The following CPEB3 variants were observed in gnomAD, a reference collection of about 807,000 sequenced individuals.
CPEB3 encodes cytoplasmic polyadenylation element-binding protein 3.
A neutral mutation model predicts 67.2 loss-of-function variants in CPEB3; 20 were observed. That is an observed-to-expected ratio of 0.30 (90% CI 0.21 to 0.43). CPEB3 has a LOEUF of 0.43. Ranked by LOEUF, CPEB3 falls within the 20% of genes least tolerant of loss-of-function variation. CPEB3 has a pLI of 1.00. For missense variants in CPEB3, 746 were observed against 968.6 expected, an observed-to-expected ratio of 0.77 and a Z score of 3.05; for synonymous variants, 376 against 393.1, an observed-to-expected ratio of 0.96 and a Z score of 0.51.
At chr10:92,067,187 C>T (rs1212055104) in intron 9 of CPEB3, among the ~76,000 whole-genome samples, 1 of 151,818 alleles carries the variant, frequency 6.6e-6, no homozygotes, top group Non-Finnish European at 1.5e-5. Context: ...GTTTAGAAAG[C>T]AGATGACAGA....
At chr10:92,244,112 CGAG>C (rs1851958972) in intron 1 of CPEB3, among the ~76,000 whole-genome samples, 1 of 151,846 alleles carries the variant, frequency 6.6e-6, no homozygotes, top group Admixed American at 6.6e-5. Flanking sequence ...TTTGGGAGGC[CGAG>C]GAGGGCAGAT....
intron 2 of CPEB3, among the ~76,000 whole-genome samples, chr10:92,227,224 AT>A (rs1851019579): frequency 6.6e-6 from 1 of 152,202 alleles, no homozygotes; most frequent in South Asian, 2.1e-4. Flanking sequence ...GTTAGGTAAT[AT>A]TCTCTGAGTC....
chr10:92,259,575 T>C (rs1302465763), intron 1 of CPEB3, among the ~76,000 whole-genome samples: 1 of 146,374 alleles, frequency 6.8e-6, no homozygotes, highest in Non-Finnish European at 1.5e-5. Context: ...CACTCCAGCC[T>C]GGGAAACAAG....
In CPEB3 at chr10:92,048,725, A is replaced by C. The variant is rs1452872317; in HGVS notation, c.*3487T>G. On this transcript the variant is annotated 3_prime_UTR_variant, in exon 10 of 10. Transcript: ENST00000265997. This position sits in a 1 kb window ranked among gnomAD's most constrained non-coding sequence, Gnocchi z 4.1. The stretch of plus-strand genomic sequence containing the variant: ...AACCAAGCATTTTCATCGTTGTCAC[A>C]CTATTGTAAACCACATCAGCAAGTT... The C allele has an allele frequency of 6.6e-6, 1 of 152,658 alleles. No homozygotes were observed. Among genetic ancestry groups the C allele is most frequent in the Non-Finnish European group, 1.5e-5 (1 of 68,036 alleles). The allele number at this position is 152,658 out of a possible 1,614,324, so 9.5% of individuals were successfully genotyped here.
intron 4 of CPEB3, among the ~76,000 whole-genome samples, chr10:92,150,025 A>G (rs151156310): frequency 6.2e-4 from 95 of 152,328 alleles, no homozygotes; most frequent in South Asian, 2.5e-3. Flanking sequence ...TAACCTAATC[A>G]TCCTTACTGT....
rs1564747230 is a variant in CPEB3 at position 92,061,441 on chromosome 10, A to AAC, written c.1870-9003_1870-9002insGT. Reference sequence around the variant, plus strand: ...TCTCAAAAAAAAAAAAAAAAAAAAAAAACATATGAATAGATAAAGCAAATG... The same window carrying AAC: ...TCTCAAAAAAAAAAAAAAAAAAAAAAACAACATATGAATAGATAAAGCAAATG... On this transcript the variant is annotated intron_variant, in intron 9 of 9. Transcript: ENST00000265997. Among the ~76,000 whole-genome samples the AAC allele has an allele frequency of 1.6e-4, 23 of 140,720 alleles. 1 individual carries two copies. Among genetic ancestry groups the AAC allele is most frequent in the Non-Finnish European group, 2.9e-4 (19 of 65,370 alleles). The allele number at this position is 140,720 out of a possible 152,430, so 92.3% of individuals were successfully genotyped here.
intron 4 of CPEB3, among the ~76,000 whole-genome samples, chr10:92,178,306 G>T (rs1024496991): frequency 5.9e-5 from 9 of 151,926 alleles, no homozygotes; most frequent in Non-Finnish European, 1.2e-4. Flanking sequence ...TCACAGGCAT[G>T]CGCCACCACA....
chr10:92,112,047 A>G (rs1844770169), intron 6 of CPEB3, among the ~76,000 whole-genome samples: 1 of 151,938 alleles, frequency 6.6e-6, no homozygotes, highest in African/African-American at 2.4e-5. Flanking sequence ...GTTTAATTCC[A>G]TAAGATTTAC....
At chr10:92,255,388 A>G (rs1463626436) in intron 1 of CPEB3, among the ~76,000 whole-genome samples, 2 of 152,202 alleles carry the variant, frequency 1.3e-5, no homozygotes, top group Non-Finnish European at 2.9e-5. Context: ...TGCTCTTGGT[A>G]CTGACATTAC....
chr10:92,114,360 A>C (rs1844898977), intron 6 of CPEB3, among the ~76,000 whole-genome samples: 1 of 152,228 alleles, frequency 6.6e-6, no homozygotes, highest in African/African-American at 2.4e-5. Context: ...GAAAAATTTA[A>C]AGTCAAAGTA....
intron 2 of CPEB3, among the ~76,000 whole-genome samples, chr10:92,219,356 T>C (rs987381765): frequency 6.6e-6 from 1 of 152,210 alleles, no homozygotes; most frequent in Non-Finnish European, 1.5e-5. Flanking sequence ...TCTTTCAGTG[T>C]CCTTTGATGT....
chr10:92,121,399 TAGAG>T lies in CPEB3; in HGVS notation c.1454-10209_1454-10206del, dbSNP rs1040872844. Among the ~76,000 whole-genome samples the T allele has an allele frequency of 9.1e-5, 12 of 132,016 alleles. No homozygotes were observed. In the South Asian group the frequency reaches 9.6e-4, roughly 11 times the overall value. 86.6% of individuals were successfully genotyped at this position (132,016 alleles called of 152,430 possible). ...TATATAATATATTATATATATATAA[TAGAG>T]AGACAGCGCGTGAGCGAGCATGCAC... On this transcript the variant is annotated intron_variant, in intron 6 of 9. Coordinates refer to ENST00000265997, the MANE Select transcript of CPEB3 (RefSeq NM_014912.5).
chr10:92,155,307 A>T (rs1847156594), intron 4 of CPEB3, among the ~76,000 whole-genome samples: 1 of 152,262 alleles, frequency 6.6e-6, no homozygotes, highest in African/African-American at 2.4e-5. Context: ...GAAGTAACAT[A>T]CATCAGCAAG....
chr10:92,127,077 G>A (rs1264453320), intron 6 of CPEB3, among the ~76,000 whole-genome samples: 1 of 151,922 alleles, frequency 6.6e-6, no homozygotes, highest in African/African-American at 2.4e-5. Context: ...TTGCAGTCTG[G>A]AAAAAAAGTC....
rs559125946 is a variant in CPEB3, at chr10:92,063,983, G to A, written c.1870-11544C>T. Among the ~76,000 whole-genome samples, 153 of 151,884 alleles carry A rather than the reference G, an allele frequency of 1.0e-3. 2 individuals carry two copies. In the South Asian group the frequency reaches 0.029, roughly 29 times the overall value. ...GCACACAGCCAAAGTGTAGTATTGG[G>A]TCAAAAAAAGAAAGAAAGAAAAAAA... On this transcript the variant is annotated intron_variant, in intron 9 of 9. Transcript: ENST00000265997.
At chr10:92,188,841 C>CT (rs1395123556) in intron 3 of CPEB3, among the ~76,000 whole-genome samples, 1 of 152,106 alleles carries the variant, frequency 6.6e-6, no homozygotes, top group African/African-American at 2.4e-5. Context: ...TTCAATTCAG[C>CT]TTTTATTCTA....
intron 4 of CPEB3, among the ~76,000 whole-genome samples, chr10:92,170,811 G>A (rs902092565): frequency 1.3e-5 from 2 of 152,132 alleles, no homozygotes; most frequent in African/African-American, 4.8e-5. Context: ...GTCTGAAATT[G>A]CTTACTACAG....
intron 6 of CPEB3, among the ~76,000 whole-genome samples, chr10:92,112,625 G>T (rs1282619311): frequency 6.6e-6 from 1 of 152,132 alleles, no homozygotes; most frequent in Non-Finnish European, 1.5e-5. Flanking sequence ...GATATTCAAG[G>T]GGCCACCTGT....
intron 4 of CPEB3, among the ~76,000 whole-genome samples, chr10:92,160,655 A>T (rs770213555): frequency 1.3e-5 from 2 of 152,086 alleles, no homozygotes; most frequent in Non-Finnish European, 2.9e-5. Flanking sequence ...CTTATATCTG[A>T]TTTCTGGCCA....
Sources: allele counts gnomAD v4.1 joint callset (sites outside exome capture counted in the v4.1 genomes callset), GRCh38; gene constraint gnomAD v4.1.1; non-coding constraint Gnocchi (gnomAD v3.1); transcripts MANE v1.5; gene names NCBI Gene and HGNC (gene_info 2026-07-23, HGNC 2026-07-21).